Variants in ZSCAN23 observed in about 807,000 individuals in gnomAD.
ZSCAN23 encodes zinc finger and SCAN domain containing 23.
ZSCAN23 carries 19 observed loss-of-function variants against 19.3 expected under a neutral mutation model. That is an observed-to-expected ratio of 0.99 (90% CI 0.69 to 1.45). ZSCAN23 has a LOEUF of 1.45. Ranked by LOEUF, ZSCAN23 falls within the 40% of genes most tolerant of loss-of-function variation. The probability of loss-of-function intolerance (pLI) is 0.00; values close to 1 mark genes in which losing one functional copy is unlikely to be tolerated. For missense variants in ZSCAN23, 372 were observed against 462.5 expected (o/e 0.80, Z 1.79); for synonymous variants, 140 against 166.2 (o/e 0.84, Z 1.21).
chr6:28,436,953 G>T (rs1761902671), intron 1 of ZSCAN23, among the ~76,000 whole-genome samples: 1 of 152,064 alleles, frequency 6.6e-6, no homozygotes. Context: ...TTTGAGCCTT[G>T]GTCTCTTCAA....
chr6:28,432,258 A>G (rs981200219), downstream of ZSCAN23, among the ~76,000 whole-genome samples: 8 of 152,364 alleles, frequency 5.3e-5, no homozygotes, highest in East Asian at 1.3e-3. Context: ...TTTATGGAAT[A>G]CATATTTACT....
chr6:28,424,218 G>C, the ZSCAN23 span, among the ~76,000 whole-genome samples: 1 of 152,166 alleles, frequency 6.6e-6, no homozygotes, highest in Non-Finnish European at 1.5e-5. Context: ...TATACTACAT[G>C]ACAGTCTATT....
In ZSCAN23 at chr6:28,436,228, C is replaced by T; in HGVS notation, c.39G>A (p.Gln13=). ...ITLTLQTAEM[Q]EGLLAVKVKE... is the part of the protein sequence containing the mutation. Reference sequence around the variant, plus strand: ...TTACCTTCACTGCCAGAAGTCCTTCCTGCATCTCTGCAGTCTGAAGGGTCA... The same window carrying T: ...TTACCTTCACTGCCAGAAGTCCTTCTTGCATCTCTGCAGTCTGAAGGGTCA... The change falls in exon 2 of 4, where the codon CAG becomes CAA. Residue 13 remains glutamine (Q), a synonymous_variant. Transcript: ENST00000289788. The T allele has an allele frequency of 6.4e-7, 1 of 1,551,646 alleles. No homozygotes were observed. The highest frequency in any genetic ancestry group is 8.7e-7 in the Non-Finnish European group (1 of 1,146,892).
chr6:28,440,463 A>G (rs568293480), intron 1 of ZSCAN23, among the ~76,000 whole-genome samples: 47 of 152,348 alleles, frequency 3.1e-4, no homozygotes, highest in African/African-American at 1.1e-3. Flanking sequence ...GGAAGAGATC[A>G]TCATGGCTTG....
chr6:28,427,598 T>C (rs901620357), downstream of ZSCAN23, among the ~76,000 whole-genome samples: 14 of 152,224 alleles, frequency 9.2e-5, no homozygotes, highest in Admixed American at 5.9e-4. Flanking sequence ...TAAACATATC[T>C]AAACACAGAA....
At position 28,441,874 on chromosome 6, in the gene ZSCAN23, A is replaced by ATTTTT. The variant is rs371867784; in HGVS notation, c.-78+1520_-78+1524dup. Among the ~76,000 whole-genome samples the ATTTTT allele has an allele frequency of 8.2e-4, 107 of 130,948 alleles. 4 individuals carry two copies. The highest frequency in any genetic ancestry group is 4.1e-3 in the Middle Eastern group (1 of 246). The allele number at this position is 130,948 out of a possible 152,430, so 85.9% of individuals were successfully genotyped here. A position where few individuals can be genotyped will look rare whatever the true frequency, so the allele number is the denominator to read the frequency against. On this transcript the variant is annotated intron_variant, in intron 1 of 3. Transcript: ENST00000289788. ...AGAACACAGGCAGATCTGGTTGTTA[A>ATTTTT]TTTTTTTTTTTTTTTTTTTGAGACA...
chr6:28,435,190 G>T, intron 3 of ZSCAN23, 112 bp from the exon 4 acceptor site: 1 of 1,262,016 alleles, frequency 7.9e-7, no homozygotes, highest in Non-Finnish European at 1.1e-6. Flanking sequence ...GGGACAAGTA[G>T]CCACTTTTTC....
the ZSCAN23 span, among the ~76,000 whole-genome samples, chr6:28,423,246 T>C: frequency 7.9e-5 from 12 of 152,158 alleles, no homozygotes. Context: ...TAAAAAAAAC[T>C]CACCAAACTA....
intron 1 of ZSCAN23, among the ~76,000 whole-genome samples, chr6:28,437,309 G>GC: frequency 6.6e-6 from 1 of 151,978 alleles, no homozygotes; most frequent in Non-Finnish European, 1.5e-5. Context: ...TGGAGAGTAG[G>GC]CAATTTTATG....
rs1189487847 is a variant in ZSCAN23, at chr6:28,433,925, GCTAA to G, written c.*536_*539del. The G allele has an allele frequency of 6.6e-6, 1 of 151,972 alleles. No individual in the cohort carries two copies. 9.4% of individuals were successfully genotyped at this position (151,972 alleles called of 1,614,324 possible). ...TGCTTCAGTTCCTTGGTTCCTAAAG[GCTAA>G]CTAAAAAATCTATAGAAATCTAACT... On this transcript the variant is annotated 3_prime_UTR_variant, in exon 4 of 4. Coordinates refer to ENST00000289788, the MANE Select transcript of ZSCAN23 (RefSeq NM_001012455.2).
intron 1 of ZSCAN23, among the ~76,000 whole-genome samples, chr6:28,442,745 C>A (rs1762026513): frequency 1.3e-5 from 2 of 152,138 alleles, no homozygotes; most frequent in African/African-American, 4.8e-5. Flanking sequence ...TGCCTACACC[C>A]CTTACTCGCT....
chr6:28,442,354 T>C (rs539656701), intron 1 of ZSCAN23, among the ~76,000 whole-genome samples: 29 of 152,354 alleles, frequency 1.9e-4, no homozygotes, highest in African/African-American at 6.5e-4. Context: ...AATTAATCTT[T>C]TAATAAGATA....
chr6:28,441,189 A>T (rs1378909007), intron 1 of ZSCAN23, among the ~76,000 whole-genome samples: 1 of 152,210 alleles, frequency 6.6e-6, no homozygotes, highest in Non-Finnish European at 1.5e-5. Context: ...ACTAAGCAGC[A>T]TGTAATACAA....
At position 28,433,327 on chromosome 6, in the gene ZSCAN23, T is replaced by C. The variant is rs1761798518; in HGVS notation, c.*1138A>G. Reference sequence around the variant, plus strand: ...GCTCTGCTTTTAACTGGCTGTATGATCTTAGTTACTTCCCAGAACTTCCTT... The same window carrying C: ...GCTCTGCTTTTAACTGGCTGTATGACCTTAGTTACTTCCCAGAACTTCCTT... On this transcript the variant is annotated 3_prime_UTR_variant, in exon 4 of 4. Transcript: ENST00000289788. 1.3e-5 allele frequency: 2 copies of C among 152,094 alleles called. No individual in the cohort carries two copies. Among genetic ancestry groups the C allele is most frequent in the African/African-American group, 4.8e-5 (2 of 41,436 alleles). 9.4% of individuals were successfully genotyped at this position (152,094 alleles called of 1,614,324 possible).
chr6:28,436,086 C>T lies in ZSCAN23; in HGVS notation c.181G>A (p.Gly61Arg), dbSNP rs775612649. ...FRQFCYQESP[G>R]PREALQRLQE... ...AGTCTTTGAAGAGCCTCCCGGGGCC[C>T]AGGGGACTCCTGATAGCAGAACTGC... The change falls in exon 2 of 4, where the codon GGG becomes AGG. Residue 61 changes from glycine (G) to arginine (R), a missense_variant. Gly to Arg is a moderately radical substitution (Grantham distance 125). Transcript: ENST00000289788. The T allele has an allele frequency of 1.9e-6, 3 of 1,613,974 alleles. No individual in the cohort carries two copies. Among genetic ancestry groups the T allele is most frequent in the African/African-American group, 1.3e-5 (1 of 74,912 alleles).
chr6:28,442,177 A>G (rs1172596574), intron 1 of ZSCAN23, among the ~76,000 whole-genome samples: 3 of 152,066 alleles, frequency 2.0e-5, no homozygotes, highest in Non-Finnish European at 4.4e-5. Flanking sequence ...GTGCCAGGCC[A>G]TCTGTGAATT....
rs1761815030 is a variant in ZSCAN23, at chr6:28,433,940, T to C, written c.*525A>G. 6.6e-6 allele frequency: 1 copy of C among 152,196 alleles called. No homozygotes were observed. Among genetic ancestry groups the C allele is most frequent in the African/African-American group, 2.4e-5 (1 of 41,440 alleles). 9.4% of individuals were successfully genotyped at this position (152,196 alleles called of 1,614,324 possible). ...GTTCCTAAAGGCTAACTAAAAAATCTATAGAAATCTAACTTACTATAAATC... is the reference window on the plus strand; with the variant it reads ...GTTCCTAAAGGCTAACTAAAAAATCCATAGAAATCTAACTTACTATAAATC... On this transcript the variant is annotated 3_prime_UTR_variant, in exon 4 of 4. Transcript: ENST00000289788.
Position 28,436,286 on chromosome 6 carries a change from A to G in ZSCAN23, c.-20T>C, listed in dbSNP as rs1435155071. The G allele has an allele frequency of 6.7e-7, 1 of 1,499,390 alleles. No individual in the cohort carries two copies. The highest frequency in any genetic ancestry group is 1.3e-5 in the South Asian group (1 of 76,084). The allele number at this position is 1,499,390 out of a possible 1,614,324, so 92.9% of individuals were successfully genotyped here. On this transcript the variant is annotated 5_prime_UTR_variant, in exon 2 of 4. Transcript: ENST00000289788. ...GGCCATCAAAGGTTTAACTATTCAG[A>G]AAAATAATCTATTCTTGATAATTCT... is the stretch of plus-strand genomic sequence containing the variant.
At chr6:28,441,636 AC>A (rs748680155) in intron 1 of ZSCAN23, among the ~76,000 whole-genome samples, 6 of 152,022 alleles carry the variant, frequency 3.9e-5, no homozygotes, top group Non-Finnish European at 5.9e-5. Context: ...TCTCTTCAGA[AC>A]CTTTTTTAAA....
Sources: gnomAD v4.1 joint callset for allele counts (sites outside exome capture counted in the v4.1 genomes callset) on GRCh38, gnomAD v4.1.1 for gene constraint, MANE v1.5 for transcripts, NCBI Gene and HGNC (gene_info 2026-07-23, HGNC 2026-07-21) for gene names.